Variants in FSD1L observed in about 807,000 individuals in gnomAD.
FSD1L encodes the protein fibronectin type III and SPRY domain containing 1 like, also known as FSD1-like protein.
FSD1L carries 45 observed loss-of-function variants against 71.6 expected under a neutral mutation model. That is an observed-to-expected ratio of 0.63 (90% CI 0.49 to 0.81). FSD1L has a LOEUF of 0.81. FSD1L is among the 30% of genes least tolerant of loss of function. The pLI is 0.00. For missense variants in FSD1L, 561 were observed against 618.1 expected (o/e 0.91, Z 0.98); for synonymous variants, 197 against 207.2 (o/e 0.95, Z 0.42).
chr9:105,523,314 G>C (rs1267188930), intron 10 of FSD1L: 1 of 1,589,924 alleles, frequency 6.3e-7, no homozygotes, highest in Non-Finnish European at 8.6e-7. Context: ...TCTGCAGCTC[G>C]ATGAGAAGCT....
rs1457886953 is a variant in FSD1L at position 105,484,369 on chromosome 9, T to C, written c.465-12T>C. On this transcript the variant is annotated splice_polypyrimidine_tract_variant and intron_variant, in intron 6 of 13. Coordinates refer to ENST00000481272, the MANE Select transcript of FSD1L (RefSeq NM_001145313.3). Reference sequence around the variant, plus strand: ...TTCTTTATTTTAAAAAGTATGTTTGTGTTTACCGTAGAGTCACAATGGCTT... The same window carrying C: ...TTCTTTATTTTAAAAAGTATGTTTGCGTTTACCGTAGAGTCACAATGGCTT... 5.4e-6 allele frequency: 8 copies of C among 1,472,526 alleles called. No individual in the cohort carries two copies. Among genetic ancestry groups the C allele is most frequent in the Admixed American group, 2.9e-5 (1 of 34,540 alleles). The allele number at this position is 1,472,526 out of a possible 1,614,324, so 91.2% of individuals were successfully genotyped here.
intron 7 of FSD1L, among the ~76,000 whole-genome samples, chr9:105,491,858 C>T (rs1832964010): frequency 1.3e-5 from 2 of 152,150 alleles, no homozygotes; most frequent in African/African-American, 2.4e-5. Flanking sequence ...CCCACTTGAT[C>T]ATGGTGGATA....
rs1373256084 is a variant in FSD1L, at chr9:105,552,133, T to C, written c.*5650T>C. ...CTATTATCTGGACATGATTTTGCTA[T>C]GCAGTTGTGATAATAAAAATTCTAA... On this transcript the variant is annotated 3_prime_UTR_variant, in exon 14 of 14. Coordinates refer to ENST00000481272, the MANE Select transcript of FSD1L (RefSeq NM_001145313.3). 2 of 152,230 alleles carry C rather than the reference T, an allele frequency of 1.3e-5. No homozygotes were observed. Among genetic ancestry groups the C allele is most frequent in the Non-Finnish European group, 2.9e-5 (2 of 68,028 alleles). 9.4% of individuals were successfully genotyped at this position (152,230 alleles called of 1,614,324 possible).
intron 10 of FSD1L, among the ~76,000 whole-genome samples, chr9:105,519,964 C>T (rs555978213): frequency 4.6e-5 from 7 of 152,220 alleles, no homozygotes; most frequent in Non-Finnish European, 8.8e-5. Flanking sequence ...GTGGAGGTGG[C>T]GGCCCTGGCC....
At chr9:105,521,461 C>T in intron 10 of FSD1L, 1 of 1,613,558 alleles carries the variant, frequency 6.2e-7, no homozygotes, top group Non-Finnish European at 8.5e-7. Context: ...GTTTTTTCTT[C>T]TAAAAGGAGT....
Position 105,535,200 on chromosome 9 carries a change from G to A in FSD1L, c.1260G>A (p.Trp420Ter). Residue 420 changes from tryptophan (W) to a stop codon, truncating the protein, a stop_gained, in exon 12 of 14, where the codon TGG becomes TGA. Coordinates refer to ENST00000481272, the MANE Select transcript of FSD1L (RefSeq NM_001145313.3). LOFTEE classifies it high-confidence loss of function. ...FDQLGKTNTSWCIHVNNWLQN... is the reference protein window; with the variant it reads ...FDQLGKTNTS ...AATTGGGAAAGACAAACACTAGTTG[G>A]TGTATCCATGTCAACAACTGGCTAC... The A allele has an allele frequency of 2.6e-6, 4 of 1,552,026 alleles. No homozygotes were observed. Among genetic ancestry groups the A allele is most frequent in the Non-Finnish European group, 3.5e-6 (4 of 1,147,034 alleles).
At chr9:105,472,035 C>G in intron 5 of FSD1L, 30 bp downstream of exon 5, 1 of 1,412,552 alleles carries the variant, frequency 7.1e-7, no homozygotes, top group East Asian at 3.0e-5. Flanking sequence ...ATACACTTAA[C>G]AAGGGAAGTT....
At chr9:105,466,684 C>G (rs1831098638) in intron 3 of FSD1L, among the ~76,000 whole-genome samples, 1 of 123,944 alleles carries the variant, frequency 8.1e-6, no homozygotes, top group African/African-American at 3.2e-5. Context: ...TAGAGTGAGA[C>G]TCTGTCTCAA....
intron 10 of FSD1L, chr9:105,513,472 G>T: frequency 5.2e-6 from 3 of 571,990 alleles, no homozygotes; most frequent in Non-Finnish European, 8.7e-6. Flanking sequence ...GAAGATAAAT[G>T]CCATTGTGAG....
At chr9:105,543,484 G>A (rs1281349304) in intron 13 of FSD1L, among the ~76,000 whole-genome samples, 3 of 152,024 alleles carry the variant, frequency 2.0e-5, no homozygotes, top group Non-Finnish European at 2.9e-5. Context: ...TGCACAACGT[G>A]CAGGTTTGTT....
At chr9:105,524,961 G>A in intron 10 of FSD1L, 2 of 1,613,196 alleles carry the variant, frequency 1.2e-6, no homozygotes, top group Non-Finnish European at 8.5e-7. Flanking sequence ...TTAGTGTCCT[G>A]TATCCAGATC....
chr9:105,524,554 A>G (rs890341811), intron 10 of FSD1L: 21 of 1,614,022 alleles, frequency 1.3e-5, no homozygotes, highest in Non-Finnish European at 1.7e-5. Flanking sequence ...AAGGTTTTAC[A>G]TGGGTGTGTT....
chr9:105,442,568 G>A, the FSD1L span, among the ~76,000 whole-genome samples: 1 of 151,928 alleles, frequency 6.6e-6, no homozygotes, highest in Non-Finnish European at 1.5e-5. Context: ...CGTGCCTGTG[G>A]TCCCAGCTAC....
chr9:105,524,988 T>C (rs1185118536), intron 10 of FSD1L: 17 of 1,596,832 alleles, frequency 1.1e-5, no homozygotes. Flanking sequence ...GAAGAGAATA[T>C]GCCTGGAGGA....
At chr9:105,543,468 T>C (rs1836760826) in intron 13 of FSD1L, among the ~76,000 whole-genome samples, 1 of 152,202 alleles carries the variant, frequency 6.6e-6, no homozygotes, top group Non-Finnish European at 1.5e-5. Flanking sequence ...AGTTCTAGGG[T>C]ACATGTGCAC....
chr9:105,520,577 T>C (rs1474472155), intron 10 of FSD1L: 1 of 1,398,200 alleles, frequency 7.2e-7, no homozygotes, highest in Non-Finnish European at 1.0e-6. Flanking sequence ...TTTCATAATA[T>C]TGGATTGATT....
chr9:105,518,371 C>T (rs745771921), intron 10 of FSD1L, among the ~76,000 whole-genome samples: 1 of 152,210 alleles, frequency 6.6e-6, no homozygotes, highest in African/African-American at 2.4e-5. Flanking sequence ...CTTCTCAGCA[C>T]CTCGTCACAC....
At chr9:105,442,753 C>T in the FSD1L span, among the ~76,000 whole-genome samples, 1 of 152,108 alleles carries the variant, frequency 6.6e-6, no homozygotes, top group Non-Finnish European at 1.5e-5. Flanking sequence ...CCTATGAATG[C>T]TCTGCTAAGC....
chr9:105,467,023 T>A (rs1166678399), intron 3 of FSD1L, among the ~76,000 whole-genome samples: 1 of 152,116 alleles, frequency 6.6e-6, no homozygotes, highest in African/African-American at 2.4e-5. Context: ...AGGAAAATAG[T>A]CTGTTTCTTT....
Sources: gnomAD v4.1 joint callset for allele counts (sites outside exome capture counted in the v4.1 genomes callset) on GRCh38, gnomAD v4.1.1 for gene constraint, MANE v1.5 for transcripts, NCBI Gene and HGNC (gene_info 2026-07-23, HGNC 2026-07-21) for gene names.